Variants in MYL4 observed in about 807,000 individuals in gnomAD.
MYL4 encodes atrial myosin light chain 1.
In MYL4, 16 loss-of-function variants were observed where a neutral mutation model predicts 21.6. The observed-to-expected ratio is 0.74, with a 90% CI of 0.50 to 1.12. The LOEUF (loss-of-function observed/expected upper bound fraction) is 1.12. MYL4 is among the 50% of genes most tolerant of loss of function. MYL4 has a pLI of 0.00. For synonymous variants in MYL4, 82 were observed against 95.7 expected, an observed-to-expected ratio of 0.86 and a Z score of 0.83; for missense variants, 249 against 252.9, an observed-to-expected ratio of 0.98 and a Z score of 0.11.
intron 1 of MYL4, among the ~76,000 whole-genome samples, chr17:47,212,964 G>A (rs2064787072): frequency 6.6e-6 from 1 of 152,166 alleles, no homozygotes; most frequent in African/African-American, 2.4e-5. Flanking sequence ...CTGAAGGAGG[G>A]GTTGGAGTGG....
At chr17:47,205,650 C>T (rs527766851), upstream of MYL4, among the ~76,000 whole-genome samples, 6 of 152,308 alleles carry the variant, frequency 3.9e-5, no homozygotes, top group East Asian at 5.8e-4. Flanking sequence ...CTGCTGAAAA[C>T]GAATCCGAAA....
At chr17:47,199,737 C>CTTTTTTTTT (rs33975035), upstream of MYL4, among the ~76,000 whole-genome samples, 1 of 101,278 alleles carries the variant, frequency 9.9e-6, no homozygotes, top group Non-Finnish European at 1.9e-5. Context: ...GTAGTAAAGT[C>CTTTTTTTTT]TTTTTTTTTT....
At chr17:47,207,118 C>T (rs552541414), upstream of MYL4, among the ~76,000 whole-genome samples, 3 of 152,146 alleles carry the variant, frequency 2.0e-5, no homozygotes, top group East Asian at 3.9e-4. Context: ...GTGCACAGAG[C>T]AAAGGAGCCA....
At chr17:47,222,186 G>T (rs2149049014) in intron 4 of MYL4, among the ~76,000 whole-genome samples, 194 bp from the exon 5 acceptor site, 1 of 152,230 alleles carries the variant, frequency 6.6e-6, no homozygotes, top group South Asian at 2.1e-4. Flanking sequence ...GGCAGAGGGG[G>T]AGGCTTCGGA....
chr17:47,222,507 G>A, intron 5 of MYL4, 50 bp downstream of exon 5: 1 of 1,588,896 alleles, frequency 6.3e-7, no homozygotes, highest in Non-Finnish European at 8.6e-7. Flanking sequence ...GGTAGGATGG[G>A]AACAGCTTGG....
At chr17:47,208,414 A>G (rs1473766689), upstream of MYL4, among the ~76,000 whole-genome samples, 2 of 152,196 alleles carry the variant, frequency 1.3e-5, no homozygotes, top group Non-Finnish European at 2.9e-5. Flanking sequence ...AACCTGAGCA[A>G]CAGAGCGATA....
chr17:47,213,825 A>G lies in MYL4; in HGVS notation c.162A>G (p.Glu54=). 6.2e-7 allele frequency: 1 copy of G among 1,614,142 alleles called. No homozygotes were observed. Among genetic ancestry groups the G allele is most frequent in the Non-Finnish European group, 8.5e-7 (1 of 1,179,976 alleles). ...VKIDFTADQI[E]EFKEAFSLFD... is the part of the protein sequence containing the mutation. ...TAGACTTCACTGCCGACCAGATTGA[A>G]GGTGAGTATGGACAACCCCACCTCT... is the stretch of plus-strand genomic sequence containing the variant. Residue 54 remains glutamate, a splice_region_variant and synonymous_variant, in exon 2 of 7, where the codon GAA becomes GAG. Transcript: ENST00000393450.
intron 1 of MYL4, 112 bp from the exon 2 acceptor site, chr17:47,213,687 C>T (rs2064792295): frequency 3.9e-6 from 4 of 1,024,808 alleles, no homozygotes; most frequent in Non-Finnish European, 4.6e-6. Flanking sequence ...CAGTGGCCTG[C>T]TGGAGGTGGC....
At chr17:47,193,521 G>T in the MYL4 span, among the ~76,000 whole-genome samples, 15 of 151,978 alleles carry the variant, frequency 9.9e-5, no homozygotes, top group Non-Finnish European at 2.1e-4. Context: ...GCCTGCCTCA[G>T]CCTTCCAAAA....
downstream of MYL4, among the ~76,000 whole-genome samples, chr17:47,225,371 TG>T (rs1450310811): frequency 3.3e-5 from 5 of 152,206 alleles, no homozygotes; most frequent in African/African-American, 1.2e-4. Context: ...TTGAATCCAG[TG>T]GTTCTCAAAC....
At chr17:47,193,737 TTTC>T in the MYL4 span, among the ~76,000 whole-genome samples, 1 of 151,906 alleles carries the variant, frequency 6.6e-6, no homozygotes, top group African/African-American at 2.4e-5. Context: ...CCTTCCTTTC[TTTC>T]TTTCTTCCTT....
At chr17:47,207,067 A>G (rs532372505), upstream of MYL4, among the ~76,000 whole-genome samples, 28 of 152,288 alleles carry the variant, frequency 1.8e-4, no homozygotes, top group African/African-American at 6.7e-4. Flanking sequence ...GGTAGCCGGC[A>G]AGGAAGAGAG....
intron 2 of MYL4, among the ~76,000 whole-genome samples, chr17:47,216,775 A>G (rs1051676202): frequency 2.7e-5 from 4 of 150,142 alleles, no homozygotes; most frequent in African/African-American, 7.4e-5. Context: ...GCTCACCGCA[A>G]CCTCCGCCTC....
At chr17:47,222,561 T>G (rs1598661581) in intron 5 of MYL4, 104 bp downstream of exon 5, 1 of 992,180 alleles carries the variant, frequency 1.0e-6, no homozygotes, top group Non-Finnish European at 1.5e-6. Context: ...CTGAGGTGGG[T>G]TTTTGTAGAC....
chr17:47,201,648 G>A (rs1441777094), intron 1 of MYL4, among the ~76,000 whole-genome samples: 1 of 151,766 alleles, frequency 6.6e-6, no homozygotes, highest in Admixed American at 6.6e-5. Context: ...TAGAGACGAG[G>A]TTTCTCCATG....
chr17:47,210,997 C>G (rs1962596262), intron 1 of MYL4, among the ~76,000 whole-genome samples: 1 of 152,034 alleles, frequency 6.6e-6, no homozygotes, highest in Admixed American at 6.6e-5. Flanking sequence ...GGTGTCTGGG[C>G]AACAGCTGCC....
At chr17:47,210,722 G>A (rs987858169) in intron 1 of MYL4, among the ~76,000 whole-genome samples, 5 of 150,254 alleles carry the variant, frequency 3.3e-5, no homozygotes, top group African/African-American at 7.4e-5. Flanking sequence ...CCCAGTCCCC[G>A]CAAGGGACAG....
At chr17:47,196,210 G>A (rs866440924), upstream of MYL4, among the ~76,000 whole-genome samples, 5 of 152,304 alleles carry the variant, frequency 3.3e-5, no homozygotes, top group Middle Eastern at 3.4e-3. Flanking sequence ...AAGATGCACA[G>A]GAAAGTTTGA....
At chr17:47,224,126 C>G (rs2064876665), downstream of MYL4, among the ~76,000 whole-genome samples, 1 of 152,194 alleles carries the variant, frequency 6.6e-6, no homozygotes, top group African/African-American at 2.4e-5. Context: ...GGTATATTCA[C>G]ATTGTTGTGT....
Sources: gnomAD v4.1 joint callset for allele counts (sites outside exome capture counted in the v4.1 genomes callset) on GRCh38, gnomAD v4.1.1 for gene constraint, MANE v1.5 for transcripts, NCBI Gene and HGNC (gene_info 2026-07-23, HGNC 2026-07-21) for gene names.